ULK4: variants seen among roughly 807,000 people sequenced by gnomAD.
ULK4 encodes the protein unc-51 like kinase 4, also known as inactive serine/threonine-protein kinase ULK4.
ULK4 carries 133 observed loss-of-function variants against 160.6 expected under a neutral mutation model. The ratio of observed to expected loss-of-function variants is 0.83; its 90% CI spans 0.72 to 0.96. The LOEUF is 0.96. ULK4 is among the 40% of genes least tolerant of loss of function. ULK4 has a pLI of 0.00. For missense variants in ULK4, 1,580 were observed against 1,499.5 expected, an observed-to-expected ratio of 1.05 and a Z score of -0.89; for synonymous variants, 534 against 539.8, an observed-to-expected ratio of 0.99 and a Z score of 0.15.
chr3:41,815,876 T>C (rs1254046579), intron 19 of ULK4, among the ~76,000 whole-genome samples: 2 of 152,110 alleles, frequency 1.3e-5, no homozygotes, highest in Non-Finnish European at 2.9e-5. Context: ...CAGAACAAAA[T>C]GTAATAGACT....
At chr3:41,643,083 G>T (rs572184015) in intron 30 of ULK4, among the ~76,000 whole-genome samples, 1 of 152,156 alleles carries the variant, frequency 6.6e-6, no homozygotes, top group South Asian at 2.1e-4. Flanking sequence ...TGTAGATTCT[G>T]GATATTAGCC....
rs1553666652 is a variant in ULK4, at chr3:41,831,418, G to GA, written c.1764+4445_1764+4446insT. On this transcript the variant is annotated intron_variant, in intron 18 of 36. Coordinates refer to ENST00000301831, the MANE Select transcript of ULK4 (RefSeq NM_017886.4). ...GTGTACATATCTCCATATACTAGTC[G>GA]TTTTTTTTTTTTTTAATGGTGGTAT... Among the ~76,000 whole-genome samples, 1,089 of 137,560 alleles carry GA rather than the reference G, an allele frequency of 7.9e-3. 13 individuals are homozygous for GA. The highest frequency in any genetic ancestry group is 0.031 in the Middle Eastern group (8 of 262). The allele number at this position is 137,560 out of a possible 152,430, so 90.2% of individuals were successfully genotyped here. A position where few individuals can be genotyped will look rare whatever the true frequency, so the allele number is the denominator to read the frequency against.
intron 32 of ULK4, among the ~76,000 whole-genome samples, chr3:41,533,145 C>T (rs947319313): frequency 1.3e-5 from 2 of 152,096 alleles, no homozygotes; most frequent in South Asian, 4.1e-4. Flanking sequence ...GTGAGCAAGC[C>T]CAGCTGACAC....
chr3:41,871,954 A>G (rs1697110426), intron 17 of ULK4, among the ~76,000 whole-genome samples: 1 of 152,158 alleles, frequency 6.6e-6, no homozygotes, highest in Admixed American at 6.6e-5. Context: ...TCAGGACAAT[A>G]TATAATAAAG....
At chr3:41,697,212 T>C (rs1348736955) in intron 27 of ULK4, among the ~76,000 whole-genome samples, 3 of 152,158 alleles carry the variant, frequency 2.0e-5, no homozygotes, top group Admixed American at 1.3e-4. Flanking sequence ...AATATATATA[T>C]ACAGTCATGC....
At chr3:41,353,618 C>T (rs2080957802) in intron 35 of ULK4, among the ~76,000 whole-genome samples, 1 of 151,704 alleles carries the variant, frequency 6.6e-6, no homozygotes, top group Non-Finnish European at 1.5e-5. Flanking sequence ...CAGTCAGCTA[C>T]GATTATGCCA....
chr3:41,875,654 A>C (rs75919335), intron 17 of ULK4, among the ~76,000 whole-genome samples: 1 of 152,176 alleles, frequency 6.6e-6, no homozygotes, highest in African/African-American at 2.4e-5. Flanking sequence ...GTTGAAAATA[A>C]AGAGAAAATG....
At chr3:41,561,494 T>C (rs1435267075) in intron 32 of ULK4, among the ~76,000 whole-genome samples, 1 of 152,158 alleles carries the variant, frequency 6.6e-6, no homozygotes, top group African/African-American at 2.4e-5. Context: ...CATCTTGTCC[T>C]GGACTTTTGG....
At chr3:41,271,575 C>T (rs1241605612) in intron 35 of ULK4, among the ~76,000 whole-genome samples, 3 of 151,962 alleles carry the variant, frequency 2.0e-5, no homozygotes, top group Non-Finnish European at 4.4e-5. Context: ...TTGTATTTTA[C>T]TAGAGACGGA....
At chr3:41,412,436 C>A (rs1575528291) in intron 34 of ULK4, among the ~76,000 whole-genome samples, 2 of 146,094 alleles carry the variant, frequency 1.4e-5, no homozygotes, top group Non-Finnish European at 1.5e-5. Flanking sequence ...CAAGCCATGT[C>A]AAAGTTTCAT....
At chr3:41,524,043 G>A (rs1207688193) in intron 32 of ULK4, among the ~76,000 whole-genome samples, 3 of 152,172 alleles carry the variant, frequency 2.0e-5, no homozygotes, top group Non-Finnish European at 2.9e-5. Flanking sequence ...CATGCTGCAT[G>A]ATTCTTTTTC....
At chr3:41,644,340 A>T (rs1575520249) in intron 30 of ULK4, among the ~76,000 whole-genome samples, 1 of 151,772 alleles carries the variant, frequency 6.6e-6, no homozygotes, top group African/African-American at 2.4e-5. Context: ...TGTCATAGAT[A>T]GCTCTTATTA....
intron 35 of ULK4, among the ~76,000 whole-genome samples, chr3:41,318,847 G>C (rs1466586271): frequency 6.6e-6 from 1 of 152,196 alleles, no homozygotes; most frequent in East Asian, 1.9e-4. Context: ...GAATGAAGAG[G>C]ACTTAATCAG....
At chr3:41,515,161 GC>G (rs1331069826) in intron 32 of ULK4, among the ~76,000 whole-genome samples, 2 of 151,932 alleles carry the variant, frequency 1.3e-5, no homozygotes, top group African/African-American at 4.8e-5. Context: ...GGAGGCTAAG[GC>G]AGAAGAATGG....
chr3:41,618,290 C>G (rs539104527), intron 30 of ULK4, among the ~76,000 whole-genome samples: 1 of 152,232 alleles, frequency 6.6e-6, no homozygotes, highest in Non-Finnish European at 1.5e-5. Context: ...TAAGATACTC[C>G]TCAAGAAGAA....
chr3:41,587,122 G>A (rs1695148357), intron 31 of ULK4, among the ~76,000 whole-genome samples: 1 of 152,186 alleles, frequency 6.6e-6, no homozygotes, highest in Non-Finnish European at 1.5e-5. Context: ...ACAGAATTCA[G>A]TTGATTGTGG....
chr3:41,475,100 C>T (rs1322508461), intron 32 of ULK4, among the ~76,000 whole-genome samples: 1 of 152,080 alleles, frequency 6.6e-6, no homozygotes, highest in African/African-American at 2.4e-5. Context: ...AGGTGTCCAT[C>T]AGCAGATAAA....
At chr3:41,720,939 C>T (rs2037431183) in intron 22 of ULK4, among the ~76,000 whole-genome samples, 1 of 151,968 alleles carries the variant, frequency 6.6e-6, no homozygotes, top group Non-Finnish European at 1.5e-5. Flanking sequence ...CTATTTATAA[C>T]ATCAAAAAAT....
chr3:41,523,756 T>C (rs2086015121), intron 32 of ULK4, among the ~76,000 whole-genome samples: 1 of 152,176 alleles, frequency 6.6e-6, no homozygotes, highest in Admixed American at 6.5e-5. Context: ...AATTACCATA[T>C]GATCTAGCAA....
Sources: allele counts gnomAD v4.1 joint callset (sites outside exome capture counted in the v4.1 genomes callset), GRCh38; gene constraint gnomAD v4.1.1; transcripts MANE v1.5; gene names NCBI Gene and HGNC (gene_info 2026-07-23, HGNC 2026-07-21).